The following SORBS2 variants were observed in gnomAD, a reference collection of about 807,000 sequenced individuals.
SORBS2 encodes sorbin and SH3 domain-containing protein 2.
A neutral mutation model predicts 97.7 loss-of-function variants in SORBS2; 46 were observed. The observed-to-expected ratio is 0.47, with a 90% CI of 0.37 to 0.60. SORBS2 has a LOEUF of 0.60. Ranked by LOEUF, SORBS2 falls within the 20% of genes least tolerant of loss-of-function variation. The pLI is 0.00. For missense variants in SORBS2, 1,316 were observed against 1,282.3 expected (o/e 1.03, Z -0.40); for synonymous variants, 476 against 473.4 (o/e 1.01, Z -0.07).
At chr4:185,836,389 G>A (rs1210023781) in intron 1 of SORBS2, among the ~76,000 whole-genome samples, 1 of 152,180 alleles carries the variant, frequency 6.6e-6, no homozygotes, top group East Asian at 1.9e-4. Context: ...TCAGTTTATA[G>A]GAGAGGTCAG....
At chr4:185,764,489 T>C (rs982059011) in intron 2 of SORBS2, among the ~76,000 whole-genome samples, 18 of 152,176 alleles carry the variant, frequency 1.2e-4, no homozygotes, top group African/African-American at 4.3e-4. Context: ...AGGAACTAAA[T>C]TCATTTTCTC....
chr4:185,946,982 T>A (rs530453000), intron 1 of SORBS2, among the ~76,000 whole-genome samples: 32 of 152,232 alleles, frequency 2.1e-4, no homozygotes, highest in Non-Finnish European at 4.1e-4. Context: ...ACCTGGCCCA[T>A]GACTTAGTGT....
At chr4:185,848,761 C>T (rs2099216117) in intron 1 of SORBS2, among the ~76,000 whole-genome samples, 1 of 151,228 alleles carries the variant, frequency 6.6e-6, no homozygotes, top group Admixed American at 6.6e-5. Flanking sequence ...TACAGGCAGC[C>T]ACCACCATAC....
intron 2 of SORBS2, among the ~76,000 whole-genome samples, chr4:185,767,299 C>T (rs180870605): frequency 1.4e-5 from 2 of 140,976 alleles, no homozygotes; most frequent in Admixed American, 7.5e-5. Context: ...GAGATCGAGA[C>T]CAGCCTGGCT....
intron 1 of SORBS2, among the ~76,000 whole-genome samples, chr4:185,876,049 G>A (rs891213204): frequency 3.9e-5 from 6 of 152,162 alleles, no homozygotes; most frequent in Admixed American, 1.3e-4. Flanking sequence ...AACTTTTGAC[G>A]CGAGTGTAAA....
chr4:185,815,122 T>C (rs1379316127), intron 1 of SORBS2, among the ~76,000 whole-genome samples: 3 of 152,218 alleles, frequency 2.0e-5, no homozygotes, highest in Non-Finnish European at 4.4e-5. Context: ...TGGCATTATC[T>C]AGTTTTAAAA....
Position 185,898,032 on chromosome 4 carries a change from G to A in SORBS2, c.-338+58164C>T, listed in dbSNP as rs141071729. ...AGCCTGGGCAACAGAGCAAGACCCC[G>A]TCTCAAACAAACAAAAAAGCTCAGG... is the stretch of plus-strand genomic sequence containing the variant. On this transcript the variant is annotated intron_variant, in intron 1 of 20. Transcript: ENST00000284776. Among the ~76,000 whole-genome samples, 21 of 152,290 alleles carry A rather than the reference G, an allele frequency of 1.4e-4. No individual in the cohort carries two copies. The East Asian group carries it at 2.1e-3, about 15-fold the overall frequency.
rs1029345781 is a variant in SORBS2, at chr4:185,798,463, C to T, written c.-337-23097G>A. Among the ~76,000 whole-genome samples the T allele has an allele frequency of 2.6e-5, 4 of 152,112 alleles. No individual in the cohort carries two copies. In the East Asian group the frequency reaches 7.8e-4, roughly 29 times the overall value. Reference sequence around the variant, plus strand: ...ACAAAGAAAAAAAGATTATGAGTTGCTTTTAAAATTCACGTGTGACAAGCA... The same window carrying T: ...ACAAAGAAAAAAAGATTATGAGTTGTTTTTAAAATTCACGTGTGACAAGCA... On this transcript the variant is annotated intron_variant, in intron 1 of 20. Transcript: ENST00000284776.
chr4:185,732,782 C>T (rs569694212), intron 2 of SORBS2, among the ~76,000 whole-genome samples: 86 of 152,272 alleles, frequency 5.6e-4, no homozygotes, highest in Middle Eastern at 3.4e-3. Context: ...CCTGTGAGAG[C>T]GATCTTATTT....
At chr4:185,601,270 G>A (rs2096255637) in intron 12 of SORBS2, among the ~76,000 whole-genome samples, 1 of 152,160 alleles carries the variant, frequency 6.6e-6, no homozygotes, top group African/African-American at 2.4e-5. Context: ...CTGTTGGGTA[G>A]GCACATGGCC....
chr4:185,806,534 T>G (rs11936061), intron 1 of SORBS2, among the ~76,000 whole-genome samples: 34,298 of 133,716 alleles, frequency 0.26, 4,934 homozygotes, highest in Middle Eastern at 0.35. Context: ...CTCGGCTCAC[T>G]GCAAGCTCCT....
intron 2 of SORBS2, among the ~76,000 whole-genome samples, chr4:185,739,135 G>A (rs2098706877): frequency 6.6e-6 from 1 of 152,228 alleles, no homozygotes; most frequent in Non-Finnish European, 1.5e-5. Flanking sequence ...GCTGGATAAA[G>A]CATAGGCACA....
chr4:185,794,278 G>T (rs1245855689), intron 1 of SORBS2, among the ~76,000 whole-genome samples: 1 of 152,110 alleles, frequency 6.6e-6, no homozygotes, highest in African/African-American at 2.4e-5. Context: ...GGAGGAGGAG[G>T]GAGGAAATCC....
At chr4:185,956,336 G>T (rs1278504254) in exon 1 of SORBS2, 1 of 152,186 alleles carries the variant, frequency 6.6e-6, no homozygotes, top group Non-Finnish European at 1.5e-5. Flanking sequence ...AGCATTTACG[G>T]CATGTACGTG....
At chr4:185,721,499 C>T (rs1284085200) in intron 2 of SORBS2, among the ~76,000 whole-genome samples, 1 of 152,166 alleles carries the variant, frequency 6.6e-6, no homozygotes, top group Non-Finnish European at 1.5e-5. Context: ...AGAACTGGAG[C>T]CCCTGAAGCT....
At chr4:185,839,661 TC>T (rs1430623398) in intron 1 of SORBS2, among the ~76,000 whole-genome samples, 1 of 152,202 alleles carries the variant, frequency 6.6e-6, no homozygotes, top group Non-Finnish European at 1.5e-5. Context: ...GGGACTGTCT[TC>T]TGAGTCCTGT....
At chr4:185,947,246 T>C (rs551929706) in intron 1 of SORBS2, among the ~76,000 whole-genome samples, 2 of 152,194 alleles carry the variant, frequency 1.3e-5, no homozygotes, top group Non-Finnish European at 2.9e-5. Flanking sequence ...GGCACTCTTA[T>C]GGGATCTGTA....
chr4:185,938,389 T>TACACACACACACACAC lies in SORBS2; in HGVS notation c.-338+17791_-338+17806dup, dbSNP rs34337257. Among the ~76,000 whole-genome samples the TACACACACACACACAC allele has an allele frequency of 5.4e-4, 74 of 136,516 alleles. 1 individual carries two copies. In the South Asian group the frequency reaches 6.4e-3, roughly 12 times the overall value. 89.6% of individuals were successfully genotyped at this position (136,516 alleles called of 152,430 possible). A position where few individuals can be genotyped will look rare whatever the true frequency, so the allele number is the denominator to read the frequency against. Reference sequence around the variant, plus strand: ...TCTCACCCAGAAAAATGTAGACACATACACACACACACACACACACACACA... The same window carrying TACACACACACACACAC: ...TCTCACCCAGAAAAATGTAGACACATACACACACACACACACACACACACACACACACACACACACA... On this transcript the variant is annotated intron_variant, in intron 1 of 20. Transcript: ENST00000284776.
chr4:185,734,854 C>T (rs2098672657), intron 2 of SORBS2, among the ~76,000 whole-genome samples: 1 of 152,222 alleles, frequency 6.6e-6, no homozygotes, highest in Non-Finnish European at 1.5e-5. Context: ...TTCAGGTCCC[C>T]CTCATCCTTG....
Sources: allele counts gnomAD v4.1 joint callset (sites outside exome capture counted in the v4.1 genomes callset), GRCh38; gene constraint gnomAD v4.1.1; transcripts MANE v1.5; gene names NCBI Gene and HGNC (gene_info 2026-07-23, HGNC 2026-07-21).